The following TBC1D22A variants were observed in gnomAD, a reference collection of about 807,000 sequenced individuals.
TBC1D22A encodes the protein TBC1 domain family member 22A, also known as putative GTPase activator.
TBC1D22A carries 38 observed loss-of-function variants against 60.2 expected under a neutral mutation model. That is an observed-to-expected ratio of 0.63 (90% CI 0.49 to 0.83). The LOEUF (loss-of-function observed/expected upper bound fraction) is 0.83. TBC1D22A is among the 40% of genes least tolerant of loss of function. TBC1D22A has a pLI of 0.00. For synonymous variants in TBC1D22A, 302 were observed against 281.7 expected, an observed-to-expected ratio of 1.07 and a Z score of -0.72; for missense variants, 628 against 701.0, an observed-to-expected ratio of 0.90 and a Z score of 1.18.
intron 9 of TBC1D22A, among the ~76,000 whole-genome samples, chr22:46,996,829 G>A (rs2075138102): frequency 6.6e-6 from 1 of 152,170 alleles, no homozygotes; most frequent in Non-Finnish European, 1.5e-5. Context: ...CAGGAGTAAT[G>A]GACCTGTCAC....
intron 9 of TBC1D22A, among the ~76,000 whole-genome samples, chr22:46,980,269 A>G (rs1272168498): frequency 6.6e-6 from 1 of 152,202 alleles, no homozygotes; most frequent in African/African-American, 2.4e-5. Flanking sequence ...TGCAACCTCC[A>G]TCTCCCGGGT....
intron 10 of TBC1D22A, among the ~76,000 whole-genome samples, chr22:47,035,190 C>G (rs796702770): frequency 7.2e-5 from 11 of 152,368 alleles, no homozygotes; most frequent in Admixed American, 2.0e-4. Flanking sequence ...GCAGGCTGCT[C>G]TGCTGCCAGG....
At chr22:47,058,801 C>G (rs1161599802) in intron 11 of TBC1D22A, among the ~76,000 whole-genome samples, 2 of 152,082 alleles carry the variant, frequency 1.3e-5, no homozygotes, top group Admixed American at 6.6e-5. Flanking sequence ...CCGTGTTGCT[C>G]TGTGACTGTT....
intron 8 of TBC1D22A, among the ~76,000 whole-genome samples, chr22:46,922,740 T>A (rs942749879): frequency 2.0e-5 from 3 of 152,226 alleles, no homozygotes; most frequent in Admixed American, 1.3e-4. Context: ...GCTTGGACAT[T>A]GTTAGTGTAC....
chr22:46,878,562 T>G, intron 4 of TBC1D22A, 91 bp from the exon 5 acceptor site: 1 of 1,056,880 alleles, frequency 9.5e-7, no homozygotes, highest in Non-Finnish European at 1.5e-6. Context: ...CCTTGCCTCC[T>G]AATTAAACAG....
intron 5 of TBC1D22A, among the ~76,000 whole-genome samples, chr22:46,885,077 G>A (rs192179959): frequency 1.8e-3 from 274 of 152,346 alleles, no homozygotes; most frequent in Non-Finnish European, 3.1e-3. Flanking sequence ...AGAAAGGACC[G>A]TGGGGTCTTT....
chr22:47,172,415 T>A (rs1249745723), intron 12 of TBC1D22A, among the ~76,000 whole-genome samples: 1 of 152,208 alleles, frequency 6.6e-6, no homozygotes, highest in African/African-American at 2.4e-5. Context: ...GAATGAAGGG[T>A]ACAGGAGGCG....
chr22:47,130,802 AC>A (rs2066653578), intron 12 of TBC1D22A, among the ~76,000 whole-genome samples: 1 of 152,180 alleles, frequency 6.6e-6, no homozygotes, highest in Non-Finnish European at 1.5e-5. Context: ...CGGAGTACCT[AC>A]TAGAAGGTGG....
intron 12 of TBC1D22A, among the ~76,000 whole-genome samples, chr22:47,138,918 C>G (rs1381583423): frequency 1.3e-5 from 2 of 152,204 alleles, no homozygotes; most frequent in African/African-American, 4.8e-5. Context: ...CCAATCACTT[C>G]CCAAAGACCC....
chr22:47,105,029 C>T (rs1300634302), intron 11 of TBC1D22A, among the ~76,000 whole-genome samples: 2 of 152,076 alleles, frequency 1.3e-5, no homozygotes, highest in Admixed American at 6.5e-5. Context: ...TGCACCCTGA[C>T]CCCCTTGGGC....
chr22:47,037,348 G>T, intron 11 of TBC1D22A, 150 bp downstream of exon 11: 1 of 1,176,366 alleles, frequency 8.5e-7, no homozygotes, highest in Non-Finnish European at 1.2e-6. Context: ...GTATACTCCT[G>T]GCCGGGCGCG....
intron 8 of TBC1D22A, among the ~76,000 whole-genome samples, chr22:46,944,164 A>G (rs969842483): frequency 3.3e-5 from 5 of 152,122 alleles, no homozygotes; most frequent in African/African-American, 1.2e-4. Flanking sequence ...GCAAAGGAGG[A>G]GGGTTGTGTT....
At chr22:47,041,928 G>A (rs1205094416) in intron 11 of TBC1D22A, among the ~76,000 whole-genome samples, 1 of 152,170 alleles carries the variant, frequency 6.6e-6, no homozygotes, top group Admixed American at 6.5e-5. Flanking sequence ...TTGCTTGCCC[G>A]CCCTAACCTA....
At chr22:46,848,888 GTT>G (rs79068503) in intron 4 of TBC1D22A, among the ~76,000 whole-genome samples, 32 of 146,634 alleles carry the variant, frequency 2.2e-4, no homozygotes, top group African/African-American at 6.5e-4. Flanking sequence ...TCACCATGCA[GTT>G]TTTTTTTTTT....
intron 8 of TBC1D22A, chr22:46,914,965 C>T (rs992081763): frequency 5.2e-6 from 1 of 193,860 alleles, no homozygotes; most frequent in Non-Finnish European, 1.1e-5. Context: ...ATGTTTTAGC[C>T]ATGTCTCGCG....
At chr22:46,847,921 GTGT>G (rs2087082862) in intron 4 of TBC1D22A, among the ~76,000 whole-genome samples, 2 of 25,892 alleles carry the variant, frequency 7.7e-5, no homozygotes, top group Non-Finnish European at 2.1e-4. Context: ...CCTAGTGGGT[GTGT>G]GTGTGTGTGT....
chr22:46,960,049 C>T (rs867651034), intron 8 of TBC1D22A, among the ~76,000 whole-genome samples: 8 of 152,246 alleles, frequency 5.3e-5, no homozygotes, highest in Middle Eastern at 3.4e-3. Flanking sequence ...ACTAACATCT[C>T]GTTAGTTAGC....
At chr22:46,909,893 G>A (rs536907894) in intron 7 of TBC1D22A, among the ~76,000 whole-genome samples, 15 of 152,338 alleles carry the variant, frequency 9.8e-5, no homozygotes, top group African/African-American at 2.9e-4. Flanking sequence ...TTGGTGACTC[G>A]TGGTGCAGCA....
intron 10 of TBC1D22A, among the ~76,000 whole-genome samples, chr22:47,008,337 A>G (rs1412603671): frequency 6.6e-6 from 1 of 152,078 alleles, no homozygotes; most frequent in Non-Finnish European, 1.5e-5. Context: ...CTCTCCATTC[A>G]TTTTCTAGCC....
Sources: gnomAD v4.1 joint callset for allele counts (sites outside exome capture counted in the v4.1 genomes callset) on GRCh38, gnomAD v4.1.1 for gene constraint, MANE v1.5 for transcripts, NCBI Gene and HGNC (gene_info 2026-07-23, HGNC 2026-07-21) for gene names.